DOK6: variants seen among roughly 807,000 people sequenced by gnomAD.
DOK6 encodes the protein downstream of tyrosine kinase 6.
A neutral mutation model predicts 44.0 loss-of-function variants in DOK6; 22 were observed. The observed-to-expected ratio is 0.50, with a 90% CI of 0.36 to 0.71. DOK6 has a LOEUF of 0.71. Ranked by LOEUF, DOK6 falls within the 30% of genes least tolerant of loss-of-function variation. The pLI is 0.00. For missense variants in DOK6, 340 were observed against 416.4 expected (o/e 0.82, Z 1.60); for synonymous variants, 166 against 145.5 (o/e 1.14, Z -1.01).
rs146660883 is a variant in DOK6 at position 69,600,218 on chromosome 18, C to G, written c.289+720C>G. Among the ~76,000 whole-genome samples, 29 of 152,266 alleles carry G rather than the reference C, an allele frequency of 1.9e-4. 1 individual carries two copies. In the East Asian group the frequency reaches 5.6e-3, roughly 29 times the overall value. ...TTAGGTCTTTAGGAGAAATTTTATT[C>G]AGCATTTTAAAAAAGTAAAATGGTC... is the stretch of plus-strand genomic sequence containing the variant. On this transcript the variant is annotated intron_variant, in intron 3 of 7. Transcript: ENST00000382713.
intron 1 of DOK6, among the ~76,000 whole-genome samples, chr18:69,463,986 G>A (rs1252119115): frequency 1.3e-5 from 2 of 152,150 alleles, no homozygotes; most frequent in East Asian, 3.9e-4. Context: ...TCAATATTTT[G>A]TTACTTAAAT....
At chr18:69,463,434 G>A (rs1279936138) in intron 1 of DOK6, among the ~76,000 whole-genome samples, 1 of 151,922 alleles carries the variant, frequency 6.6e-6, no homozygotes, top group Non-Finnish European at 1.5e-5. Flanking sequence ...AGCAACATCT[G>A]TTATATTGCT....
At chr18:69,511,294 A>G (rs1981358714) in intron 1 of DOK6, among the ~76,000 whole-genome samples, 2 of 152,182 alleles carry the variant, frequency 1.3e-5, no homozygotes, top group South Asian at 4.1e-4. Context: ...GCAGTATATA[A>G]GATGAGGCAC....
rs373940568 is a variant in DOK6, at chr18:69,775,622, A to G, written c.856+17749A>G. Among the ~76,000 whole-genome samples the G allele has an allele frequency of 2.1e-4, 32 of 151,880 alleles. No individual in the cohort carries two copies. In the South Asian group the frequency reaches 6.2e-3, roughly 30 times the overall value. ...TAATTAGAAGTAGAGAAAATATAGA[A>G]AGAAAAAAGAGTAAATAAATATTAT... On this transcript the variant is annotated intron_variant, in intron 7 of 7. Transcript: ENST00000382713.
chr18:69,701,750 T>C (rs938612763), intron 5 of DOK6, among the ~76,000 whole-genome samples: 2 of 152,240 alleles, frequency 1.3e-5, no homozygotes, highest in Admixed American at 1.3e-4. Context: ...CAGTTACTAA[T>C]TTTTAACAAT....
intron 1 of DOK6, among the ~76,000 whole-genome samples, chr18:69,503,817 A>G (rs1301029552): frequency 6.6e-6 from 1 of 152,002 alleles, no homozygotes; most frequent in Non-Finnish European, 1.5e-5. Context: ...AAACCAATAT[A>G]TTTCTTATTC....
At chr18:69,411,533 A>G (rs150363386) in intron 1 of DOK6, among the ~76,000 whole-genome samples, 179 of 152,204 alleles carry the variant, frequency 1.2e-3, no homozygotes, top group Non-Finnish European at 2.1e-3. Context: ...TTCACCTACT[A>G]TTGTTTGCAT....
intron 7 of DOK6, among the ~76,000 whole-genome samples, chr18:69,814,682 C>G (rs1424969765): frequency 6.6e-6 from 1 of 152,106 alleles, no homozygotes; most frequent in African/African-American, 2.4e-5. Flanking sequence ...CAAGGCATGT[C>G]TTCTCATGGT....
chr18:69,561,711 C>T (rs1982836875), intron 1 of DOK6, among the ~76,000 whole-genome samples: 1 of 152,012 alleles, frequency 6.6e-6, no homozygotes, highest in South Asian at 2.1e-4. Context: ...TCAGGGTTAT[C>T]CTGCACATGC....
chr18:69,678,002 A>T, intron 4 of DOK6, 149 bp downstream of exon 4: 1 of 1,301,670 alleles, frequency 7.7e-7, no homozygotes, highest in African/African-American at 1.5e-5. Flanking sequence ...TAATCCCTGC[A>T]TTTTGGGAGC....
intron 1 of DOK6, among the ~76,000 whole-genome samples, chr18:69,559,761 G>A (rs1477433691): frequency 6.6e-6 from 1 of 152,134 alleles, no homozygotes; most frequent in Non-Finnish European, 1.5e-5. Context: ...AGATGAGGGT[G>A]CCAGCCCCAT....
At chr18:69,609,483 C>CAAAAAATAAATAAATAAATAAATAAATA (rs147856604) in intron 3 of DOK6, among the ~76,000 whole-genome samples, 9 of 145,620 alleles carry the variant, frequency 6.2e-5, no homozygotes, top group East Asian at 4.0e-4. Context: ...ATGGCTATTA[C>CAAAAAATAAATAAATAAATAAATAAATA]AAGAAATAAA....
intron 3 of DOK6, among the ~76,000 whole-genome samples, chr18:69,634,567 G>A (rs1568317370): frequency 6.6e-6 from 1 of 152,176 alleles, no homozygotes; most frequent in South Asian, 2.1e-4. Context: ...ATTGAATACT[G>A]TGTAAGGAGA....
At chr18:69,575,050 T>C (rs1983207594) in intron 2 of DOK6, among the ~76,000 whole-genome samples, 1 of 152,012 alleles carries the variant, frequency 6.6e-6, no homozygotes, top group Non-Finnish European at 1.5e-5. Context: ...AGCCTAGGCT[T>C]CCCTACTGCA....
chr18:69,697,105 A>G (rs1379424573), intron 4 of DOK6, among the ~76,000 whole-genome samples: 2 of 151,418 alleles, frequency 1.3e-5, no homozygotes, highest in Non-Finnish European at 2.9e-5. Context: ...TTAAGCTATC[A>G]TGGTTATGTT....
At chr18:69,462,111 C>G (rs1232596186) in intron 1 of DOK6, among the ~76,000 whole-genome samples, 1 of 152,108 alleles carries the variant, frequency 6.6e-6, no homozygotes, top group Non-Finnish European at 1.5e-5. Flanking sequence ...GGATATCTTC[C>G]TTGAAATTCC....
chr18:69,564,398 C>A, intron 1 of DOK6, 89 bp from the exon 2 acceptor site: 1 of 1,055,876 alleles, frequency 9.5e-7, no homozygotes, highest in Non-Finnish European at 1.4e-6. Context: ...CTCTGAAGTA[C>A]ACTTAAAAAA....
intron 1 of DOK6, among the ~76,000 whole-genome samples, chr18:69,402,401 G>A (rs1180301888): frequency 5.9e-5 from 9 of 152,232 alleles, no homozygotes. Flanking sequence ...GGGAAAAAGA[G>A]GGGAGGACTT....
chr18:69,745,358 A>T (rs1486793530), intron 6 of DOK6, among the ~76,000 whole-genome samples: 2 of 152,248 alleles, frequency 1.3e-5, no homozygotes, highest in African/African-American at 4.8e-5. Context: ...AATGAAAATA[A>T]CAGATTTCAA....
Sources: allele counts gnomAD v4.1 joint callset (sites outside exome capture counted in the v4.1 genomes callset), GRCh38; gene constraint gnomAD v4.1.1; transcripts MANE v1.5; gene names NCBI Gene and HGNC (gene_info 2026-07-23, HGNC 2026-07-21).